IFT140: variants seen among roughly 807,000 people sequenced by gnomAD.
The protein encoded by IFT140 is intraflagellar transport protein 140 homolog.
A neutral mutation model predicts 164.6 loss-of-function variants in IFT140; 133 were observed. The ratio of observed to expected loss-of-function variants is 0.81; its 90% CI spans 0.70 to 0.93. The LOEUF is 0.93. IFT140 is among the 40% of genes least tolerant of loss of function. IFT140 has a pLI of 0.00. For synonymous variants in IFT140, 860 were observed against 817.3 expected (o/e 1.05, Z -0.89); for missense variants, 2,045 against 1,972.3 (o/e 1.04, Z -0.70).
intron 13 of IFT140, chr16:1,579,529 A>C (rs540066023): frequency 6.6e-6 from 1 of 152,256 alleles, no homozygotes; most frequent in East Asian, 1.9e-4. Context: ...ACTGTGAGAG[A>C]AAAAATGTCT....
chr16:1,592,609 G>C, intron 4 of IFT140, 21 bp from the exon 5 acceptor site: 1 of 1,611,740 alleles, frequency 6.2e-7, no homozygotes, highest in Non-Finnish European at 8.5e-7. Context: ...CCAACACCAC[G>C]TGTTAGGACA....
In IFT140 at chr16:1,592,579, A is replaced by AGACACCAAGCTGGAAAGACCC. The variant is rs753591919; in HGVS notation, c.370-12_378dup (p.Val126_Leu127insGlySerPheGlnLeuGlyVal). 1 of 1,614,118 alleles carries AGACACCAAGCTGGAAAGACCC rather than the reference A, an allele frequency of 6.2e-7. No individual in the cohort carries two copies. The highest frequency in any genetic ancestry group is 2.2e-5 in the East Asian group (1 of 44,884). On this transcript the variant is annotated inframe_insertion, in exon 5 of 31. Transcript: ENST00000426508. ...CTTTGGTCCAACCTCCACAAGAGCA[A>AGACACCAAGCTGGAAAGACCC]GACACCAAGCTGGAAAGACCCAACA...
chr16:1,545,296 G>A (rs537550160), intron 19 of IFT140, among the ~76,000 whole-genome samples: 2 of 152,026 alleles, frequency 1.3e-5, no homozygotes, highest in South Asian at 4.2e-4. Context: ...GCACCAGGGC[G>A]AGGGCCAGCA....
chr16:1,597,998 T>G (rs1010888368), intron 4 of IFT140, among the ~76,000 whole-genome samples: 3 of 152,206 alleles, frequency 2.0e-5, no homozygotes, highest in African/African-American at 7.2e-5. Flanking sequence ...AATGTGGGAT[T>G]GGCAGATGGT....
chr16:1,553,892 T>C lies in IFT140; in HGVS notation c.2399+4043A>G. 1.6e-6 allele frequency: 2 copies of C among 1,265,718 alleles called. No homozygotes were observed. The highest frequency in any genetic ancestry group is 2.5e-5 in the South Asian group (2 of 79,334). 78.4% of individuals were successfully genotyped at this position (1,265,718 alleles called of 1,614,324 possible). A position where few individuals can be genotyped will look rare whatever the true frequency, so the allele number is the denominator to read the frequency against. ...AGACTCTAGTCACGAAACCCTGATTTTCCTGTTGTAAGAACTAAAAAGGTC... is the reference window on the plus strand; with the variant it reads ...AGACTCTAGTCACGAAACCCTGATTCTCCTGTTGTAAGAACTAAAAAGGTC... On this transcript the variant is annotated intron_variant, in intron 19 of 30. Coordinates refer to ENST00000426508, the MANE Select transcript of IFT140 (RefSeq NM_014714.4). The surrounding 1 kb of genome is among the most constrained non-coding windows in gnomAD (Gnocchi z 4.4).
intron 19 of IFT140, among the ~76,000 whole-genome samples, chr16:1,546,329 C>G (rs1304294692): frequency 6.6e-6 from 1 of 152,206 alleles, no homozygotes; most frequent in Non-Finnish European, 1.5e-5. Flanking sequence ...TCCGAGCCCT[C>G]AGGTGTTTCC....
chr16:1,588,278 C>A (rs749871293), intron 7 of IFT140, among the ~76,000 whole-genome samples: 2 of 152,126 alleles, frequency 1.3e-5, no homozygotes, highest in Non-Finnish European at 1.5e-5. Flanking sequence ...GTAATCCCAG[C>A]ACTTTGGGAG....
chr16:1,529,785 C>T (rs1191336031), intron 19 of IFT140, among the ~76,000 whole-genome samples: 1 of 152,220 alleles, frequency 6.6e-6, no homozygotes, highest in Admixed American at 6.5e-5. Flanking sequence ...ACGGCTCAGA[C>T]ACAGCTGCCC....
chr16:1,588,742 A>C (rs2035027078), intron 7 of IFT140, among the ~76,000 whole-genome samples: 1 of 152,052 alleles, frequency 6.6e-6, no homozygotes, highest in Non-Finnish European at 1.5e-5. Context: ...AGGGTATTTA[A>C]AGCAAGGTCT....
intron 26 of IFT140, 23 bp from the exon 27 acceptor site, chr16:1,520,831 C>G: frequency 6.3e-7 from 1 of 1,590,982 alleles, no homozygotes. Context: ...AGAAATGGGA[C>G]GGGGCTGCCG....
intron 13 of IFT140, among the ~76,000 whole-genome samples, chr16:1,578,843 C>T (rs1228622326): frequency 6.6e-6 from 1 of 152,222 alleles, no homozygotes; most frequent in East Asian, 1.9e-4. Flanking sequence ...TCCTGAGTAG[C>T]TGGCACTATA....
chr16:1,582,929 T>G (rs758727093), intron 12 of IFT140, among the ~76,000 whole-genome samples: 2 of 152,200 alleles, frequency 1.3e-5, no homozygotes, highest in Non-Finnish European at 2.9e-5. Flanking sequence ...CTTGGGGACC[T>G]AGAAGGGTGT....
chr16:1,526,656 G>A lies in IFT140; in HGVS notation c.2540C>T (p.Ala847Val). The A allele has an allele frequency of 6.3e-7, 1 of 1,592,440 alleles. No individual in the cohort carries two copies. Residue 847 changes from alanine to valine, a missense_variant, in exon 20 of 31, where the codon GCC becomes GTC. By Grantham distance (64) the Ala-to-Val change is moderately conservative. Coordinates refer to ENST00000426508, the MANE Select transcript of IFT140 (RefSeq NM_014714.4). ...CTGCGTGGCCAGCACGGCCACGCGG[G>A]CCTCTAGCTCCGGCTCCTGCTCCGC... ...REAEQEPELE[A>V]RVAVLATQLG... is the part of the protein sequence containing the mutation.
At chr16:1,596,037 CAG>C (rs1365250188) in intron 4 of IFT140, among the ~76,000 whole-genome samples, 1 of 152,204 alleles carries the variant, frequency 6.6e-6, no homozygotes, top group Non-Finnish European at 1.5e-5. Flanking sequence ...GCCTGGGTGA[CAG>C]AGTGAGGCTC....
intron 13 of IFT140, among the ~76,000 whole-genome samples, chr16:1,576,301 A>AAG (rs2141686894): frequency 6.6e-6 from 1 of 150,834 alleles, no homozygotes; most frequent in East Asian, 1.9e-4. Context: ...AAAAAAAAAA[A>AAG]AAAAGTATGG....
chr16:1,515,619 A>G (rs1405331692), intron 30 of IFT140, among the ~76,000 whole-genome samples: 1 of 150,748 alleles, frequency 6.6e-6, no homozygotes, highest in Non-Finnish European at 1.5e-5. Context: ...CTGGACTTGA[A>G]CTCCTGGCCT....
At chr16:1,574,068 C>G (rs2034150868) in intron 13 of IFT140, among the ~76,000 whole-genome samples, 1 of 152,150 alleles carries the variant, frequency 6.6e-6, no homozygotes, top group African/African-American at 2.4e-5. Context: ...CATACCTGCA[C>G]CAATGCTCAG....
chr16:1,567,740 G>A (rs561805060), intron 15 of IFT140, among the ~76,000 whole-genome samples: 4 of 152,276 alleles, frequency 2.6e-5, no homozygotes, highest in South Asian at 2.1e-4. Context: ...TCCAAACAGC[G>A]CTGCCATGCC....
chr16:1,540,066 C>T (rs536498636), intron 19 of IFT140, among the ~76,000 whole-genome samples: 1 of 152,110 alleles, frequency 6.6e-6, no homozygotes, highest in Non-Finnish European at 1.5e-5. Context: ...GGTAGGACGG[C>T]GGGGGGACCC....
Sources: allele counts gnomAD v4.1 joint callset (sites outside exome capture counted in the v4.1 genomes callset), GRCh38; gene constraint gnomAD v4.1.1; non-coding constraint Gnocchi (gnomAD v3.1); transcripts MANE v1.5; gene names NCBI Gene and HGNC (gene_info 2026-07-23, HGNC 2026-07-21).